The following LMTK2 variants were observed in gnomAD, a reference collection of about 807,000 sequenced individuals.
LMTK2 encodes serine/threonine-protein kinase LMTK2.
LMTK2 carries 37 observed loss-of-function variants against 127.5 expected under a neutral mutation model. The observed-to-expected ratio is 0.29, with a 90% CI of 0.22 to 0.38. The LOEUF is 0.38. LMTK2 is among the 10% of genes least tolerant of loss of function. LMTK2 has a pLI of 1.00. For missense variants in LMTK2, 1,694 were observed against 1,920.3 expected (o/e 0.88, Z 2.20); for synonymous variants, 819 against 810.1 (o/e 1.01, Z -0.19).
In LMTK2 at chr7:98,192,560, C is replaced by T. The variant is rs142723294; in HGVS notation, c.2095C>T (p.Leu699Phe). The change falls in exon 11 of 14, where the codon CTC becomes TTC. Residue 699 changes from leucine to phenylalanine, a missense_variant. Coordinates refer to ENST00000297293, the MANE Select transcript of LMTK2 (RefSeq NM_014916.4). ...CCGTAAGATTTTTGACAGTGAGCCT[C>T]TCTGCCTATCAGATAATCTTATGCA... is the stretch of plus-strand genomic sequence containing the variant. ...KPRKIFDSEPLCLSDNLMHQD... is the reference protein window; with the variant it reads ...KPRKIFDSEPFCLSDNLMHQD... 110 of 1,613,252 alleles carry T rather than the reference C, an allele frequency of 6.8e-5. No homozygotes were observed. The highest frequency in any genetic ancestry group is 8.9e-5 in the Non-Finnish European group (105 of 1,179,828).
rs1186402788 is a variant in LMTK2, at chr7:98,209,384, C to T, written c.*3892C>T. The T allele has an allele frequency of 6.6e-6, 1 of 152,198 alleles. No homozygotes were observed. The highest frequency in any genetic ancestry group is 1.5e-5 in the Non-Finnish European group (1 of 68,044). The allele number at this position is 152,198 out of a possible 1,614,324, so 9.4% of individuals were successfully genotyped here. On this transcript the variant is annotated 3_prime_UTR_variant, in exon 14 of 14. Coordinates refer to ENST00000297293, the MANE Select transcript of LMTK2 (RefSeq NM_014916.4). ...TGATCATGGGGCTGGTGTATGGATC[C>T]ACCGTCGGATTCCGTCTGCAGAGGA...
intron 13 of LMTK2, among the ~76,000 whole-genome samples, chr7:98,204,710 G>C (rs977631372): frequency 2.6e-5 from 4 of 152,256 alleles, no homozygotes; most frequent in Non-Finnish European, 4.4e-5. Context: ...TCTCAGGCTC[G>C]TTACCGGCCA....
chr7:98,140,077 A>ACTTT (rs1197009143), intron 2 of LMTK2, among the ~76,000 whole-genome samples: 14 of 23,752 alleles, frequency 5.9e-4, no homozygotes, highest in South Asian at 3.0e-3. Context: ...GGTTTCCACA[A>ACTTT]CTTTCTTTCT....
At chr7:98,163,723 C>G (rs560198819) in intron 6 of LMTK2, among the ~76,000 whole-genome samples, 1 of 152,330 alleles carries the variant, frequency 6.6e-6, no homozygotes, top group Admixed American at 6.5e-5. Flanking sequence ...CAAAGTGTCT[C>G]TTTGACACTG....
At chr7:98,135,027 C>T (rs1364736344) in intron 1 of LMTK2, among the ~76,000 whole-genome samples, 2 of 152,154 alleles carry the variant, frequency 1.3e-5, no homozygotes, top group Non-Finnish European at 2.9e-5. Context: ...AGACTGAGCC[C>T]GCATGTAACA....
intron 6 of LMTK2, among the ~76,000 whole-genome samples, chr7:98,165,259 A>G (rs1797077206): frequency 6.6e-6 from 1 of 152,100 alleles, no homozygotes; most frequent in African/African-American, 2.4e-5. Context: ...CATTTGATGT[A>G]TGTTCCCATC....
chr7:98,141,084 A>G (rs1796691766), intron 2 of LMTK2, among the ~76,000 whole-genome samples: 1 of 151,916 alleles, frequency 6.6e-6, no homozygotes, highest in African/African-American at 2.4e-5. Flanking sequence ...AAAAAAAAAA[A>G]AAGAATTGCT....
chr7:98,134,966 G>C (rs1216953885), intron 1 of LMTK2, among the ~76,000 whole-genome samples: 1 of 152,182 alleles, frequency 6.6e-6, no homozygotes, highest in Non-Finnish European at 1.5e-5. Context: ...TGTTGATTTA[G>C]AACTCGGAGA....
At position 98,207,841 on chromosome 7, in the gene LMTK2, A is replaced by C. The variant is rs1416449637; in HGVS notation, c.*2349A>C. On this transcript the variant is annotated 3_prime_UTR_variant, in exon 14 of 14. Coordinates refer to ENST00000297293, the MANE Select transcript of LMTK2 (RefSeq NM_014916.4). ...GGTGGCTCACGCCTGCAATCCCAACACATTGGGGGGTCGAGGCGGACGGAT... is the reference window on the plus strand; with the variant it reads ...GGTGGCTCACGCCTGCAATCCCAACCCATTGGGGGGTCGAGGCGGACGGAT... 1 of 152,162 alleles carries C rather than the reference A, an allele frequency of 6.6e-6. No individual in the cohort carries two copies. The highest frequency in any genetic ancestry group is 1.5e-5 in the Non-Finnish European group (1 of 68,044). 9.4% of individuals were successfully genotyped at this position (152,162 alleles called of 1,614,324 possible). A position where few individuals can be genotyped will look rare whatever the true frequency, so the allele number is the denominator to read the frequency against.
At chr7:98,140,754 AAGT>A (rs1796685349) in intron 2 of LMTK2, among the ~76,000 whole-genome samples, 2 of 152,274 alleles carry the variant, frequency 1.3e-5, no homozygotes, top group South Asian at 4.1e-4. Context: ...CATGTCACAA[AAGT>A]AATAATATTA....
At chr7:98,159,309 A>G in intron 5 of LMTK2, 29 bp from the exon 6 acceptor site, 2 of 1,427,582 alleles carry the variant, frequency 1.4e-6, no homozygotes, top group Non-Finnish European at 1.9e-6. Context: ...CTTCCTGATG[A>G]ACAATATTAT....
intron 1 of LMTK2, among the ~76,000 whole-genome samples, chr7:98,120,021 C>G (rs569637883): frequency 2.6e-5 from 4 of 152,010 alleles, no homozygotes; most frequent in Non-Finnish European, 5.9e-5. Context: ...TTGATCTGTA[C>G]AAAATTTTCT....
At chr7:98,166,628 C>T (rs1258003063) in intron 6 of LMTK2, among the ~76,000 whole-genome samples, 1 of 152,094 alleles carries the variant, frequency 6.6e-6, no homozygotes, top group Non-Finnish European at 1.5e-5. Flanking sequence ...CTCTTGAGCC[C>T]AGGAGGTCAA....
At chr7:98,117,614 C>T (rs371203833) in intron 1 of LMTK2, among the ~76,000 whole-genome samples, 4 of 152,148 alleles carry the variant, frequency 2.6e-5, no homozygotes, top group African/African-American at 9.6e-5. Context: ...TGCCCCAGTC[C>T]TAGAATCAGC....
intron 1 of LMTK2, among the ~76,000 whole-genome samples, chr7:98,133,918 CTG>C (rs1796561876): frequency 6.6e-6 from 1 of 152,166 alleles, no homozygotes. Flanking sequence ...AACAAAAACT[CTG>C]GGTGCAAGAG....
At chr7:98,204,878 G>A (rs1797765986) in intron 13 of LMTK2, among the ~76,000 whole-genome samples, 1 of 152,208 alleles carries the variant, frequency 6.6e-6, no homozygotes, top group African/African-American at 2.4e-5. Flanking sequence ...GCTCGTAAGA[G>A]CACTTGACCC....
intron 10 of LMTK2, 62 bp downstream of exon 10, chr7:98,190,939 C>CA: frequency 7.3e-7 from 1 of 1,374,480 alleles, no homozygotes; most frequent in Non-Finnish European, 1.0e-6. Flanking sequence ...CCCCAAAACA[C>CA]AAAAAAATTC....
Position 98,193,826 on chromosome 7 carries a change from C to G in LMTK2, c.3361C>G (p.Pro1121Ala). 6.2e-7 allele frequency: 1 copy of G among 1,614,016 alleles called. No homozygotes were observed. The highest frequency in any genetic ancestry group is 8.5e-7 in the Non-Finnish European group (1 of 1,180,024). ...GCCCGAGAAAAGGTCTGAGGAGGTC[C>G]CGGGAACCTCCCCATCCGCCTTGGT... ...SEPEKRSEEV[P>A]GTSPSALVLV... The change falls in exon 11 of 14, where the codon CCG becomes GCG. Residue 1121 changes from proline to alanine, a missense_variant. Coordinates refer to ENST00000297293, the MANE Select transcript of LMTK2 (RefSeq NM_014916.4). The surrounding 1 kb of genome is among the most constrained non-coding windows in gnomAD (Gnocchi z 4.1).
rs889906919 is a variant in LMTK2 at position 98,209,096 on chromosome 7, A to G, written c.*3604A>G. On this transcript the variant is annotated 3_prime_UTR_variant, in exon 14 of 14. Coordinates refer to ENST00000297293, the MANE Select transcript of LMTK2 (RefSeq NM_014916.4). ...TGGGCTTCTGTTAGAGTGGCTTCAA[A>G]ACATGAGCCTTATGGGAAGTAGCCT... 1.3e-5 allele frequency: 2 copies of G among 152,208 alleles called. No individual in the cohort carries two copies. The highest frequency in any genetic ancestry group is 1.3e-4 in the Admixed American group (2 of 15,280). The allele number at this position is 152,208 out of a possible 1,614,324, so 9.4% of individuals were successfully genotyped here.
Sources: gnomAD v4.1 joint callset for allele counts (sites outside exome capture counted in the v4.1 genomes callset) on GRCh38, gnomAD v4.1.1 for gene constraint, Gnocchi (gnomAD v3.1) non-coding constraint, MANE v1.5 for transcripts, NCBI Gene and HGNC (gene_info 2026-07-23, HGNC 2026-07-21) for gene names.